KIAA0825: variants seen among roughly 807,000 people sequenced by gnomAD.
KIAA0825 encodes the protein uncharacterized protein KIAA0825.
In KIAA0825, 119 loss-of-function variants were observed where a neutral mutation model predicts 147.6. The ratio of observed to expected loss-of-function variants is 0.81; its 90% CI spans 0.69 to 0.94. The LOEUF (loss-of-function observed/expected upper bound fraction) is 0.94. Ranked by LOEUF, KIAA0825 falls within the 40% of genes least tolerant of loss-of-function variation. The probability of loss-of-function intolerance (pLI) is 0.00; values close to 1 mark genes in which losing one functional copy is unlikely to be tolerated. For missense variants in KIAA0825, 1,381 were observed against 1,472.7 expected, an observed-to-expected ratio of 0.94 and a Z score of 1.02; for synonymous variants, 470 against 518.1, an observed-to-expected ratio of 0.91 and a Z score of 1.26.
chr5:94,411,289 A>G (rs1481467739), intron 15 of KIAA0825, among the ~76,000 whole-genome samples: 1 of 152,046 alleles, frequency 6.6e-6, no homozygotes, highest in Non-Finnish European at 1.5e-5. Context: ...TAGAGGGAAA[A>G]TGAAGATTAG....
rs373122360 is a variant in KIAA0825 at position 94,520,360 on chromosome 5, T to C, written c.858A>G (p.Glu286=). ...KETYLDTVTE[E]MAKFLENFCE... ...AAAAATTTTCAAGAAATTTTGCCATTTCTTCTGTAACAGTATCCAGGTAAG... is the reference window on the plus strand; with the variant it reads ...AAAAATTTTCAAGAAATTTTGCCATCTCTTCTGTAACAGTATCCAGGTAAG... The change falls in exon 5 of 21, where the codon GAA becomes GAG. Residue 286 remains glutamate, a synonymous_variant. Transcript: ENST00000682413. The C allele has an allele frequency of 4.3e-6, 7 of 1,613,414 alleles. No homozygotes were observed. In the African/African-American group the frequency reaches 8.0e-5, roughly 18 times the overall value.
intron 13 of KIAA0825, among the ~76,000 whole-genome samples, chr5:94,446,726 G>A (rs1757775119): frequency 6.6e-6 from 1 of 152,160 alleles, no homozygotes; most frequent in African/African-American, 2.4e-5. Context: ...AAGGATAACG[G>A]TGAATTCATG....
intron 12 of KIAA0825, among the ~76,000 whole-genome samples, chr5:94,460,441 A>T (rs898091924): frequency 6.6e-6 from 1 of 152,142 alleles, no homozygotes; most frequent in African/African-American, 2.4e-5. Flanking sequence ...AAGTTCAGAA[A>T]GGAAAACACG....
chr5:94,590,822 A>G (rs1235518453), intron 1 of KIAA0825, among the ~76,000 whole-genome samples: 1 of 152,254 alleles, frequency 6.6e-6, no homozygotes, highest in Admixed American at 6.5e-5. Context: ...ATAAAGAGAA[A>G]AAAGTAGTAA....
chr5:94,576,300 T>C (rs990006928), intron 2 of KIAA0825, among the ~76,000 whole-genome samples: 1 of 152,162 alleles, frequency 6.6e-6, no homozygotes, highest in Non-Finnish European at 1.5e-5. Flanking sequence ...AACACTGATG[T>C]TGAAATTTAA....
intron 20 of KIAA0825, among the ~76,000 whole-genome samples, chr5:94,370,530 G>A (rs1448422446): frequency 1.3e-5 from 2 of 152,108 alleles, no homozygotes; most frequent in Non-Finnish European, 2.9e-5. Context: ...AGAGTTTGAT[G>A]GGAAGGAGAA....
intron 20 of KIAA0825, among the ~76,000 whole-genome samples, chr5:94,256,972 A>C (rs1776280787): frequency 6.6e-6 from 1 of 152,122 alleles, no homozygotes; most frequent in Admixed American, 6.6e-5. Flanking sequence ...TATCTCGTTC[A>C]ATTTAGTTGT....
intron 20 of KIAA0825, among the ~76,000 whole-genome samples, chr5:94,283,884 A>G (rs1777560875): frequency 6.6e-6 from 1 of 152,166 alleles, no homozygotes; most frequent in Non-Finnish European, 1.5e-5. Context: ...CACCACAGGA[A>G]TAATCTACTG....
intron 1 of KIAA0825, among the ~76,000 whole-genome samples, chr5:94,600,698 C>T (rs958926254): frequency 1.3e-5 from 2 of 152,298 alleles, no homozygotes; most frequent in African/African-American, 4.8e-5. Flanking sequence ...ATACTTGAGG[C>T]TGCTTGGACA....
At chr5:94,416,085 A>G (rs1185832583) in intron 15 of KIAA0825, 1 of 152,204 alleles carries the variant, frequency 6.6e-6, no homozygotes, top group Non-Finnish European at 1.5e-5. Context: ...CAGCCTTTTT[A>G]CCTAGGAATA....
chr5:94,592,856 A>C (rs1403453074), intron 1 of KIAA0825: 1 of 580,844 alleles, frequency 1.7e-6, no homozygotes, highest in Non-Finnish European at 3.2e-6. Context: ...ACTGTGTTTC[A>C]ATTTCGACTC....
chr5:94,512,828 G>A (rs773264981), intron 5 of KIAA0825, among the ~76,000 whole-genome samples: 12 of 152,084 alleles, frequency 7.9e-5, no homozygotes, highest in Admixed American at 1.3e-4. Flanking sequence ...CCTGGGAGGC[G>A]AAGGTTGCAG....
intron 20 of KIAA0825, among the ~76,000 whole-genome samples, chr5:94,336,143 G>A (rs1781764727): frequency 6.6e-6 from 1 of 152,116 alleles, no homozygotes; most frequent in Non-Finnish European, 1.5e-5. Context: ...GCTGAGGCGG[G>A]TGGATCACCT....
At chr5:94,346,508 G>C (rs1281493104) in intron 20 of KIAA0825, among the ~76,000 whole-genome samples, 1 of 152,100 alleles carries the variant, frequency 6.6e-6, no homozygotes, top group African/African-American at 2.4e-5. Flanking sequence ...TGCCCCAACT[G>C]CAGAAGTAGG....
At chr5:94,522,330 A>G (rs1768374687) in intron 4 of KIAA0825, among the ~76,000 whole-genome samples, 1 of 151,690 alleles carries the variant, frequency 6.6e-6, no homozygotes, top group African/African-American at 2.4e-5. Context: ...AGTTATTTTG[A>G]TATTTCTGGA....
chr5:94,507,381 A>G, intron 5 of KIAA0825, among the ~76,000 whole-genome samples: 1 of 152,118 alleles, frequency 6.6e-6, no homozygotes, highest in Non-Finnish European at 1.5e-5. Flanking sequence ...TGAATCCAGG[A>G]GGCGGAGGCT....
chr5:94,331,003 T>C (rs1435617491), intron 20 of KIAA0825, among the ~76,000 whole-genome samples: 2 of 151,730 alleles, frequency 1.3e-5, no homozygotes, highest in East Asian at 1.9e-4. Flanking sequence ...CCAGACGTGG[T>C]GGTGGGCTCC....
chr5:94,527,463 G>A (rs934233675), intron 3 of KIAA0825, among the ~76,000 whole-genome samples: 2 of 151,874 alleles, frequency 1.3e-5, no homozygotes, highest in South Asian at 2.1e-4. Context: ...TAAAAAGATT[G>A]TAGAAAACAC....
chr5:94,300,096 C>T (rs1053603879), intron 20 of KIAA0825, among the ~76,000 whole-genome samples: 1 of 151,922 alleles, frequency 6.6e-6, no homozygotes, highest in African/African-American at 2.4e-5. Context: ...CATAATATCT[C>T]ACCTAATACA....
Sources: gnomAD v4.1 joint callset for allele counts (sites outside exome capture counted in the v4.1 genomes callset) on GRCh38, gnomAD v4.1.1 for gene constraint, MANE v1.5 for transcripts, NCBI Gene and HGNC (gene_info 2026-07-23, HGNC 2026-07-21) for gene names.